The following WWP1 variants were observed in gnomAD, a reference collection of about 807,000 sequenced individuals.
WWP1 encodes the protein WW domain containing E3 ubiquitin protein ligase 1.
A neutral mutation model predicts 130.6 loss-of-function variants in WWP1; 49 were observed. The observed-to-expected ratio is 0.38, with a 90% CI of 0.30 to 0.48. The LOEUF is 0.48. Ranked by LOEUF, WWP1 falls within the 20% of genes least tolerant of loss-of-function variation. The probability of loss-of-function intolerance (pLI) is 0.99; values close to 1 mark genes in which losing one functional copy is unlikely to be tolerated. For missense variants in WWP1, 809 were observed against 1,100.6 expected (o/e 0.74, Z 3.75); for synonymous variants, 332 against 367.8 (o/e 0.90, Z 1.11).
chr8:86,424,671 G>A (rs1205579287), intron 9 of WWP1, among the ~76,000 whole-genome samples: 3 of 151,726 alleles, frequency 2.0e-5, no homozygotes, highest in Admixed American at 6.6e-5. Flanking sequence ...CAGGCATGGC[G>A]GCGCACGACT....
chr8:86,364,035 T>A (rs78759156), intron 1 of WWP1, among the ~76,000 whole-genome samples: 1 of 152,134 alleles, frequency 6.6e-6, no homozygotes, highest in African/African-American at 2.4e-5. Flanking sequence ...ATTGCTCTGA[T>A]CATATTTTCT....
At chr8:86,439,712 A>G (rs1810492334) in intron 17 of WWP1, among the ~76,000 whole-genome samples, 1 of 152,218 alleles carries the variant, frequency 6.6e-6, no homozygotes, top group Non-Finnish European at 1.5e-5. Flanking sequence ...TTGTGAAGCA[A>G]TATGGGTGGA....
intron 17 of WWP1, among the ~76,000 whole-genome samples, chr8:86,441,078 C>T (rs1487934838): frequency 1.3e-5 from 2 of 152,178 alleles, no homozygotes; most frequent in African/African-American, 4.8e-5. Flanking sequence ...TTTCTGCTAG[C>T]ATCAGAGGAA....
intron 18 of WWP1, among the ~76,000 whole-genome samples, chr8:86,445,409 A>G (rs537765119): frequency 5.1e-4 from 77 of 152,222 alleles, no homozygotes; most frequent in African/African-American, 1.8e-3. Flanking sequence ...TGTGTGCCCA[A>G]TGCTGAGCTC....
intron 9 of WWP1, among the ~76,000 whole-genome samples, chr8:86,423,819 C>T (rs879885135): frequency 0.014 from 2,155 of 149,648 alleles, 106 homozygotes; most frequent in East Asian, 0.12. Context: ...GCGCCCCCCC[C>T]CCACCTCCCG....
intron 5 of WWP1, among the ~76,000 whole-genome samples, chr8:86,390,034 A>G (rs1237456635): frequency 6.6e-6 from 1 of 150,920 alleles, no homozygotes; most frequent in Non-Finnish European, 1.5e-5. Context: ...GGTCTGGCAG[A>G]GACACTCCTC....
At chr8:86,362,199 T>TATATATATATATACATATAC (rs1409280271) in intron 1 of WWP1, among the ~76,000 whole-genome samples, 4 of 121,030 alleles carry the variant, frequency 3.3e-5, no homozygotes, top group African/African-American at 1.2e-4. Context: ...TATATATATA[T>TATATATATATATACATATAC]ATACTGGAAA....
At chr8:86,421,783 A>G (rs1809225573) in intron 9 of WWP1, among the ~76,000 whole-genome samples, 1 of 152,012 alleles carries the variant, frequency 6.6e-6, no homozygotes, top group South Asian at 2.1e-4. Flanking sequence ...AGATTGCGCC[A>G]CTGCATTCCA....
intron 22 of WWP1, among the ~76,000 whole-genome samples, chr8:86,458,470 AT>A (rs1237349572): frequency 1.3e-5 from 2 of 152,092 alleles, no homozygotes; most frequent in African/African-American, 4.8e-5. Flanking sequence ...TTATTTATGT[AT>A]TTTTTTAGCG....
At chr8:86,354,704 A>C (rs1182878342) in intron 1 of WWP1, among the ~76,000 whole-genome samples, 1 of 152,164 alleles carries the variant, frequency 6.6e-6, no homozygotes, top group Admixed American at 6.5e-5. Flanking sequence ...TCTTAAATGT[A>C]ATTTCTAATC....
At chr8:86,462,488 G>T (rs1292046363) in intron 24 of WWP1, among the ~76,000 whole-genome samples, 1 of 152,144 alleles carries the variant, frequency 6.6e-6, no homozygotes. Context: ...ACTAAATTAT[G>T]TACAGCGTTA....
intron 1 of WWP1, among the ~76,000 whole-genome samples, chr8:86,349,210 G>A (rs892473517): frequency 1.3e-5 from 2 of 152,082 alleles, no homozygotes; most frequent in African/African-American, 4.8e-5. Context: ...GTAGAGATGG[G>A]GTTTCACCAT....
Position 86,451,214 on chromosome 8 carries a change from T to TAAAAAAAAAAAAAAAAAAA in WWP1, c.2274-1324_2274-1306dup, listed in dbSNP as rs61141803. 4.6e-4 allele frequency among the ~76,000 whole-genome samples: 20 copies of TAAAAAAAAAAAAAAAAAAA among 43,680 alleles called. 1 individual carries two copies. The highest frequency in any genetic ancestry group is 1.1e-3 in the Admixed American group (3 of 2,802). 28.7% of individuals were successfully genotyped at this position (43,680 alleles called of 152,430 possible). A position where few individuals can be genotyped will look rare whatever the true frequency, so the allele number is the denominator to read the frequency against. On this transcript the variant is annotated intron_variant, in intron 20 of 24. Transcript: ENST00000517970. ...GCAACCGAGTGAGACCCTATGTTAT[T>TAAAAAAAAAAAAAAAAAAA]AAAAAAAAAAAAAAAAAAAAAAAAA...
chr8:86,354,996 G>A (rs1823173966), intron 1 of WWP1, among the ~76,000 whole-genome samples: 1 of 151,918 alleles, frequency 6.6e-6, no homozygotes, highest in African/African-American at 2.4e-5. Context: ...ATCCTCATTT[G>A]ACAGACAGGA....
chr8:86,371,818 G>A (rs1824310570), intron 2 of WWP1, among the ~76,000 whole-genome samples: 1 of 151,896 alleles, frequency 6.6e-6, no homozygotes, highest in Non-Finnish European at 1.5e-5. Flanking sequence ...AGAAGTCTCA[G>A]TTTCCGTGTA....
chr8:86,412,179 A>G (rs1034404502), intron 9 of WWP1, among the ~76,000 whole-genome samples: 8 of 152,228 alleles, frequency 5.3e-5, no homozygotes. Context: ...ATGATACTCC[A>G]TATAATATCC....
intron 1 of WWP1, among the ~76,000 whole-genome samples, chr8:86,352,232 A>G (rs1157202350): frequency 6.6e-6 from 1 of 150,540 alleles, no homozygotes; most frequent in Non-Finnish European, 1.5e-5. Context: ...TTATTTATTT[A>G]TTTATTTATT....
At chr8:86,420,912 G>A (rs1018838060) in intron 9 of WWP1, among the ~76,000 whole-genome samples, 4 of 152,172 alleles carry the variant, frequency 2.6e-5, no homozygotes, top group Non-Finnish European at 5.9e-5. Flanking sequence ...CTGTAGGACA[G>A]CAATAAAAAT....
Position 86,381,500 on chromosome 8 carries a change from T to C in WWP1, c.210-5T>C, listed in dbSNP as rs909801427. On this transcript the variant is annotated splice_region_variant and splice_polypyrimidine_tract_variant and intron_variant, in intron 4 of 24. Transcript: ENST00000517970. ...GTATTTTTGTTAATAATTTTACCCT[T>C]CCAGAAATGTTACGCCACAGACTAC... 1.2e-6 allele frequency: 2 copies of C among 1,602,570 alleles called. No individual in the cohort carries two copies. Among genetic ancestry groups the C allele is most frequent in the African/African-American group, 2.7e-5 (2 of 74,264 alleles).
Sources: gnomAD v4.1 joint callset for allele counts (sites outside exome capture counted in the v4.1 genomes callset) on GRCh38, gnomAD v4.1.1 for gene constraint, MANE v1.5 for transcripts, NCBI Gene and HGNC (gene_info 2026-07-23, HGNC 2026-07-21) for gene names.